Variants in FBXL17 observed in about 807,000 individuals in gnomAD.
The protein encoded by FBXL17 is F-box and leucine rich repeat protein 17.
FBXL17 carries 22 observed loss-of-function variants against 66.2 expected under a neutral mutation model. That is an observed-to-expected ratio of 0.33 (90% CI 0.24 to 0.47). The LOEUF (loss-of-function observed/expected upper bound fraction) is 0.47, where lower values mean the gene tolerates loss of function less well. Among genes scored for constraint, FBXL17 ranks in the 20% least tolerant of loss-of-function variants. The pLI is 1.00. For synonymous variants in FBXL17, 474 were observed against 400.5 expected (o/e 1.18, Z -2.19); for missense variants, 878 against 948.2 (o/e 0.93, Z 0.97).
Position 108,098,516 on chromosome 5 carries a change from C to T in FBXL17, c.1746-77515G>A, listed in dbSNP as rs576590549. ...ATCCCAGCACTTTGGGAGGCCGAGG[C>T]GGGTGGATCACGAGGTCAGGAGATC... is the stretch of plus-strand genomic sequence containing the variant. On this transcript the variant is annotated intron_variant, in intron 6 of 8. Coordinates refer to ENST00000542267, the MANE Select transcript of FBXL17 (RefSeq NM_001163315.3). 5.3e-5 allele frequency among the ~76,000 whole-genome samples: 8 copies of T among 152,064 alleles called. No homozygotes were observed. The South Asian group carries it at 1.0e-3, about 20-fold the overall frequency.
chr5:107,944,489 G>A (rs1300890677), intron 7 of FBXL17, among the ~76,000 whole-genome samples: 1 of 152,076 alleles, frequency 6.6e-6, no homozygotes, highest in African/African-American at 2.4e-5. Flanking sequence ...CAGCAAGCAT[G>A]TTCTAAAGGA....
intron 6 of FBXL17, among the ~76,000 whole-genome samples, chr5:108,144,322 G>A (rs773305665): frequency 3.9e-5 from 6 of 151,938 alleles, no homozygotes; most frequent in Non-Finnish European, 8.8e-5. Flanking sequence ...TATGATAAAC[G>A]GTAAATTATT....
intron 7 of FBXL17, among the ~76,000 whole-genome samples, chr5:108,006,655 G>C (rs1050880111): frequency 2.6e-5 from 4 of 152,188 alleles, no homozygotes; most frequent in African/African-American, 7.2e-5. Flanking sequence ...TTTATAATCA[G>C]TATTACATAC....
chr5:108,043,160 C>T (rs2112807368), intron 6 of FBXL17, among the ~76,000 whole-genome samples: 1 of 152,210 alleles, frequency 6.6e-6, no homozygotes, highest in East Asian at 1.9e-4. Context: ...AATATTTTCT[C>T]CCATTTTGTA....
chr5:107,946,258 TATATATATATATATATATATATATATATA>T lies in FBXL17; in HGVS notation c.1823-65108_1823-65080del, dbSNP rs1751278873. Among the ~76,000 whole-genome samples, 4 of 21,992 alleles carry T rather than the reference TATATATATATATATATATATATATATATA, an allele frequency of 1.8e-4. 1 individual carries two copies. Among genetic ancestry groups the T allele is most frequent in the Non-Finnish European group, 3.2e-4 (4 of 12,420 alleles). The allele number at this position is 21,992 out of a possible 152,430, so 14.4% of individuals were successfully genotyped here. The stretch of plus-strand genomic sequence containing the variant: ...TATTACTTTTATCAATCTCATTTTA[TATATATATATATATATATATATATATATA>T]TATATATATATATATATATATATTA... On this transcript the variant is annotated intron_variant, in intron 7 of 8. Transcript: ENST00000542267.
chr5:108,381,698 G>C lies in FBXL17; in HGVS notation c.-7C>G, dbSNP rs2112685518. Reference sequence around the variant, plus strand: ...TCGAGAGAAGGTGGCCCATATAGAAGGCCCCGAGGAGGGGGACCGGGACGG... The same window carrying C: ...TCGAGAGAAGGTGGCCCATATAGAACGCCCCGAGGAGGGGGACCGGGACGG... On this transcript the variant is annotated 5_prime_UTR_variant, in exon 1 of 9. Coordinates refer to ENST00000542267, the MANE Select transcript of FBXL17 (RefSeq NM_001163315.3). 1 of 1,454,278 alleles carries C rather than the reference G, an allele frequency of 6.9e-7. No individual in the cohort carries two copies. Among genetic ancestry groups the C allele is most frequent in the Non-Finnish European group, 9.0e-7 (1 of 1,108,434 alleles). The allele number at this position is 1,454,278 out of a possible 1,614,324, so 90.1% of individuals were successfully genotyped here. A position where few individuals can be genotyped will look rare whatever the true frequency, so the allele number is the denominator to read the frequency against.
intron 7 of FBXL17, among the ~76,000 whole-genome samples, chr5:107,903,484 A>G (rs1288050369): frequency 1.3e-5 from 2 of 152,204 alleles, no homozygotes; most frequent in African/African-American, 4.8e-5. Flanking sequence ...CAAGTTAATA[A>G]GTAATATTAG....
chr5:107,934,281 C>T lies in FBXL17; in HGVS notation c.1823-53102G>A, dbSNP rs994187274. On this transcript the variant is annotated intron_variant, in intron 7 of 8. Coordinates refer to ENST00000542267, the MANE Select transcript of FBXL17 (RefSeq NM_001163315.3). ...ATTGCGTATATTGCACTGTGAACTT[C>T]GAGAACAATTCTAGTTAAAAATCAT... Among the ~76,000 whole-genome samples, 6 of 152,194 alleles carry T rather than the reference C, an allele frequency of 3.9e-5. 1 individual carries two copies. In the South Asian group the frequency reaches 8.3e-4, roughly 21 times the overall value.
At chr5:108,262,311 T>G (rs1756871093) in intron 4 of FBXL17, among the ~76,000 whole-genome samples, 1 of 151,900 alleles carries the variant, frequency 6.6e-6, no homozygotes, top group Non-Finnish European at 1.5e-5. Flanking sequence ...TCTCCTGACC[T>G]CATGATCCAC....
intron 5 of FBXL17, among the ~76,000 whole-genome samples, chr5:108,209,981 AT>A (rs1461263996): frequency 2.0e-5 from 3 of 152,148 alleles, no homozygotes; most frequent in African/African-American, 7.2e-5. Flanking sequence ...TACTGCCTCA[AT>A]TTCAGAACTT....
intron 6 of FBXL17, among the ~76,000 whole-genome samples, chr5:108,086,205 T>G (rs761999046): frequency 3.3e-5 from 5 of 151,190 alleles, no homozygotes; most frequent in Non-Finnish European, 7.4e-5. Context: ...AGTAAAAACC[T>G]AGAAAGGTCA....
intron 3 of FBXL17, among the ~76,000 whole-genome samples, chr5:108,353,499 G>C (rs1481761556): frequency 1.3e-5 from 2 of 152,224 alleles, no homozygotes; most frequent in South Asian, 2.1e-4. Flanking sequence ...GAATACTGGA[G>C]AGAAATCACC....
At chr5:108,105,287 C>A (rs763786099) in intron 6 of FBXL17, among the ~76,000 whole-genome samples, 9 of 152,110 alleles carry the variant, frequency 5.9e-5, no homozygotes, top group Non-Finnish European at 1.2e-4. Context: ...GAATAATGGG[C>A]CAGGCCAGTG....
intron 6 of FBXL17, among the ~76,000 whole-genome samples, chr5:108,051,599 A>G (rs1747478324): frequency 6.6e-6 from 1 of 152,224 alleles, no homozygotes; most frequent in Non-Finnish European, 1.5e-5. Context: ...TGTCAAAATA[A>G]TAAGAGCTAC....
intron 7 of FBXL17, among the ~76,000 whole-genome samples, chr5:107,949,249 G>A (rs1751418154): frequency 6.6e-6 from 1 of 151,434 alleles, no homozygotes. Context: ...AACAAGAGAA[G>A]TAACATGTTA....
At chr5:108,133,416 T>C (rs562114872) in intron 6 of FBXL17, among the ~76,000 whole-genome samples, 1 of 152,318 alleles carries the variant, frequency 6.6e-6, no homozygotes, top group South Asian at 2.1e-4. Context: ...GCCTTACTTA[T>C]AAGCAGCAAT....
intron 4 of FBXL17, among the ~76,000 whole-genome samples, chr5:108,227,187 G>T (rs1299188450): frequency 6.6e-6 from 1 of 152,034 alleles, no homozygotes; most frequent in Non-Finnish European, 1.5e-5. Context: ...GGGGCCCAAG[G>T]AACTGTATTT....
At chr5:108,306,775 G>A (rs1758861474) in intron 4 of FBXL17, among the ~76,000 whole-genome samples, 1 of 151,664 alleles carries the variant, frequency 6.6e-6, no homozygotes, top group South Asian at 2.1e-4. Flanking sequence ...GGTACAATTT[G>A]CAGGTCTTAT....
At chr5:108,082,024 G>A (rs145059147) in intron 6 of FBXL17, among the ~76,000 whole-genome samples, 13 of 152,242 alleles carry the variant, frequency 8.5e-5, no homozygotes, top group East Asian at 1.9e-4. Context: ...ATATTGTTAC[G>A]AGGGCAGAAG....
Sources: allele counts gnomAD v4.1 joint callset (sites outside exome capture counted in the v4.1 genomes callset), GRCh38; gene constraint gnomAD v4.1.1; transcripts MANE v1.5; gene names NCBI Gene and HGNC (gene_info 2026-07-23, HGNC 2026-07-21).